The following ZNF536 variants were observed in gnomAD, a reference collection of about 807,000 sequenced individuals.
ZNF536 encodes zinc finger protein 536.
In ZNF536, 13 loss-of-function variants were observed where a neutral mutation model predicts 84.5. The observed-to-expected ratio is 0.15, with a 90% confidence interval of 0.10 to 0.24. The LOEUF is 0.24. Ranked by LOEUF, ZNF536 falls within the 10% of genes least tolerant of loss-of-function variation. The probability of loss-of-function intolerance (pLI) is 1.00; values close to 1 mark genes in which losing one functional copy is unlikely to be tolerated. For missense variants in ZNF536, 1,536 were observed against 1,747.5 expected (o/e 0.88, Z 2.16); for synonymous variants, 811 against 742.5 (o/e 1.09, Z -1.50).
chr19:30,603,035 C>G (rs77233370), intron 1 of ZNF536, among the ~76,000 whole-genome samples: 7,536 of 152,236 alleles, frequency 0.05, 268 homozygotes, highest in Non-Finnish European at 0.076. Context: ...TGAGGTGTGT[C>G]CAGGTGGGTC....
chr19:30,364,584 G>T (rs886708609), intron 3 of ZNF536, among the ~76,000 whole-genome samples: 1 of 152,136 alleles, frequency 6.6e-6, no homozygotes, highest in Non-Finnish European at 1.5e-5. Flanking sequence ...CCTTTCTCTC[G>T]ATTGAGGCTT....
At chr19:30,516,781 CG>C (rs1262300880) in intron 2 of ZNF536, among the ~76,000 whole-genome samples, 1 of 152,124 alleles carries the variant, frequency 6.6e-6, no homozygotes, top group Non-Finnish European at 1.5e-5. Flanking sequence ...CGGAGTGTGC[CG>C]GGAGGCCAGG....
intron 2 of ZNF536, among the ~76,000 whole-genome samples, chr19:30,472,216 T>C (rs996888537): frequency 1.3e-5 from 2 of 152,236 alleles, no homozygotes; most frequent in African/African-American, 4.8e-5. Flanking sequence ...TAATCAGCCA[T>C]ATGGCATGGA....
At chr19:30,424,436 G>A (rs2051124213) in intron 1 of ZNF536, among the ~76,000 whole-genome samples, 1 of 152,174 alleles carries the variant, frequency 6.6e-6, no homozygotes, top group South Asian at 2.1e-4. Flanking sequence ...CCCTGTCATG[G>A]ACAGCAGACT....
At chr19:30,696,781 GCACCACCAGCCAGAGGCTCCTCT>G (rs1349625330) in intron 1 of ZNF536, among the ~76,000 whole-genome samples, 1 of 152,148 alleles carries the variant, frequency 6.6e-6, no homozygotes, top group African/African-American at 2.4e-5. Context: ...GGGAGACTCT[GCACCACCAGCCAGAGGCTCCTCT>G]CTGCTGATGC....
intron 2 of ZNF536, among the ~76,000 whole-genome samples, chr19:30,313,256 C>T (rs929694684): frequency 7.9e-5 from 12 of 152,186 alleles, no homozygotes; most frequent in African/African-American, 1.7e-4. Flanking sequence ...TGTCCAGGCG[C>T]CTTGTACAGT....
At chr19:30,481,491 C>T (rs1004924607) in intron 2 of ZNF536, among the ~76,000 whole-genome samples, 5 of 152,166 alleles carry the variant, frequency 3.3e-5, no homozygotes, top group African/African-American at 1.2e-4. Context: ...CCTCTCTTTT[C>T]TGCAAGTATT....
intron 2 of ZNF536, among the ~76,000 whole-genome samples, chr19:30,495,110 G>A (rs143385285): frequency 6.6e-6 from 1 of 152,302 alleles, no homozygotes; most frequent in Non-Finnish European, 1.5e-5. Flanking sequence ...TATTGCTGTG[G>A]TATTGGGACA....
chr19:30,665,042 T>A (rs1045819807), intron 1 of ZNF536, among the ~76,000 whole-genome samples: 1 of 152,154 alleles, frequency 6.6e-6, no homozygotes, highest in Admixed American at 6.5e-5. Flanking sequence ...TAAAAGAAAG[T>A]TTAAAAATGC....
At chr19:30,443,330 T>C (rs1219272930) in intron 1 of ZNF536, among the ~76,000 whole-genome samples, 1 of 152,188 alleles carries the variant, frequency 6.6e-6, no homozygotes, top group East Asian at 1.9e-4. Context: ...AGTCTGTAAA[T>C]AGAAAATACA....
chr19:30,371,579 T>C (rs2048614399), upstream of ZNF536, among the ~76,000 whole-genome samples: 1 of 150,908 alleles, frequency 6.6e-6, no homozygotes, highest in African/African-American at 2.4e-5. Context: ...TTTGTTTTTT[T>C]TTTCTCTCCC....
chr19:30,523,686 A>ATT (rs374794235), intron 2 of ZNF536, among the ~76,000 whole-genome samples: 1 of 147,054 alleles, frequency 6.8e-6, no homozygotes, highest in Non-Finnish European at 1.5e-5. Context: ...TCATACTCTG[A>ATT]TTTTTTTTTT....
chr19:30,445,032 A>T lies in ZNF536; in HGVS notation c.1470A>T (p.Gly490=), dbSNP rs747957400. Residue 490 remains glycine, a synonymous_variant, in exon 2 of 5, where the codon GGA becomes GGT. Coordinates refer to ENST00000355537, the MANE Select transcript of ZNF536 (RefSeq NM_014717.3). This position sits in a 1 kb window ranked among gnomAD's most constrained non-coding sequence, Gnocchi z 4.5. ...AGGGGGACAAGCACTCCCTCCTGGG[A>T]TGCCTCAATCTCGTGCCGCCGCTGA... ...VPEGDKHSLL[G]CLNLVPPLKS... is the part of the protein sequence containing the mutation. 13 of 1,613,242 alleles carry T rather than the reference A, an allele frequency of 8.1e-6. No individual in the cohort carries two copies. Among genetic ancestry groups the T allele is most frequent in the Non-Finnish European group, 9.3e-6 (11 of 1,179,882 alleles).
intron 2 of ZNF536, among the ~76,000 whole-genome samples, chr19:30,511,825 AACTT>A (rs1446888990): frequency 6.6e-6 from 1 of 152,198 alleles, no homozygotes; most frequent in Non-Finnish European, 1.5e-5. Context: ...ATGACAAGTT[AACTT>A]GTGTCTAGTT....
intron 2 of ZNF536, among the ~76,000 whole-genome samples, chr19:30,296,430 T>C (rs933730660): frequency 2.0e-5 from 3 of 152,212 alleles, no homozygotes; most frequent in Non-Finnish European, 4.4e-5. Flanking sequence ...AAAGTTCCAG[T>C]TGGCCAAGAC....
intron 1 of ZNF536, among the ~76,000 whole-genome samples, chr19:30,617,630 A>G (rs146844110): frequency 1.3e-3 from 193 of 151,876 alleles, no homozygotes; most frequent in East Asian, 4.9e-3. Flanking sequence ...GATTACAGGC[A>G]TGAGCCACCA....
At chr19:30,593,348 C>T (rs1021221469) in intron 1 of ZNF536, among the ~76,000 whole-genome samples, 1 of 152,134 alleles carries the variant, frequency 6.6e-6, no homozygotes, top group African/African-American at 2.4e-5. Context: ...CACTAAGAGG[C>T]CATCCACTGT....
At chr19:30,431,992 C>CATATATATATATATATATATATATAT (rs561025363) in intron 1 of ZNF536, among the ~76,000 whole-genome samples, 7 of 144,604 alleles carry the variant, frequency 4.8e-5, no homozygotes, top group East Asian at 2.5e-4. Context: ...TCATTAAAAG[C>CATATATATATATATATATATATATAT]ATATATATAT....
chr19:30,493,056 T>A (rs1232409246), intron 2 of ZNF536, among the ~76,000 whole-genome samples: 3 of 151,728 alleles, frequency 2.0e-5, no homozygotes, highest in African/African-American at 7.3e-5. Flanking sequence ...CAATCATTGC[T>A]TTCCTTAAAT....
Sources: gnomAD v4.1 joint callset for allele counts (sites outside exome capture counted in the v4.1 genomes callset) on GRCh38, gnomAD v4.1.1 for gene constraint, Gnocchi (gnomAD v3.1) non-coding constraint, MANE v1.5 for transcripts, NCBI Gene and HGNC (gene_info 2026-07-23, HGNC 2026-07-21) for gene names.